Variants in SLC35F3 observed in about 807,000 individuals in gnomAD.
The protein encoded by SLC35F3 is solute carrier family 35 member F3.
SLC35F3 carries 25 observed loss-of-function variants against 49.9 expected under a neutral mutation model. That is an observed-to-expected ratio of 0.50 (90% CI 0.37 to 0.70). The LOEUF (loss-of-function observed/expected upper bound fraction) is 0.70, where lower values mean the gene tolerates loss of function less well. SLC35F3 is among the 30% of genes least tolerant of loss of function. SLC35F3 has a pLI of 0.00. For synonymous variants in SLC35F3, 275 were observed against 265.4 expected, an observed-to-expected ratio of 1.04 and a Z score of -0.35; for missense variants, 525 against 639.8, an observed-to-expected ratio of 0.82 and a Z score of 1.94.
intron 2 of SLC35F3, among the ~76,000 whole-genome samples, chr1:234,015,481 A>G (rs1663788483): frequency 6.6e-6 from 1 of 152,220 alleles, no homozygotes; most frequent in Non-Finnish European, 1.5e-5. Flanking sequence ...ATGGAACAGA[A>G]TAGAGAGCTC....
chr1:234,056,599 G>A (rs896437859), intron 2 of SLC35F3, among the ~76,000 whole-genome samples: 1 of 152,162 alleles, frequency 6.6e-6, no homozygotes, highest in Non-Finnish European at 1.5e-5. Flanking sequence ...GACATTTCAT[G>A]TAAGTAAAAG....
chr1:234,238,242 A>T (rs889581344), intron 3 of SLC35F3, among the ~76,000 whole-genome samples: 14 of 152,330 alleles, frequency 9.2e-5, no homozygotes, highest in African/African-American at 3.4e-4. Flanking sequence ...TTGCTAGCCT[A>T]AGGCAAAATA....
chr1:233,999,689 A>G (rs942427851), intron 2 of SLC35F3, among the ~76,000 whole-genome samples: 3 of 151,828 alleles, frequency 2.0e-5, no homozygotes, highest in Admixed American at 6.6e-5. Context: ...TGCCTCTGCC[A>G]TGCAAGTGGC....
At chr1:234,128,512 G>A (rs1473664303) in intron 2 of SLC35F3, among the ~76,000 whole-genome samples, 2 of 152,190 alleles carry the variant, frequency 1.3e-5, no homozygotes, top group East Asian at 1.9e-4. Context: ...GTGAGGAATG[G>A]CGGAGGTGGA....
At chr1:233,963,443 G>A (rs112084733) in intron 2 of SLC35F3, among the ~76,000 whole-genome samples, 5 of 152,182 alleles carry the variant, frequency 3.3e-5, no homozygotes, top group African/African-American at 9.6e-5. Flanking sequence ...TGGTACTACA[G>A]GAACCCGCCA....
intron 2 of SLC35F3, among the ~76,000 whole-genome samples, chr1:234,134,910 C>T (rs1468197747): frequency 6.6e-6 from 1 of 151,844 alleles, no homozygotes; most frequent in Non-Finnish European, 1.5e-5. Context: ...TTAGTAGAGA[C>T]GGGGTTTAGC....
chr1:233,985,597 A>G (rs188609879), intron 2 of SLC35F3, among the ~76,000 whole-genome samples: 50 of 152,334 alleles, frequency 3.3e-4, no homozygotes, highest in Non-Finnish European at 5.9e-5. Context: ...TTCTCCATCT[A>G]ATTCTAATTA....
At chr1:234,154,106 T>G (rs1666116705) in intron 2 of SLC35F3, among the ~76,000 whole-genome samples, 1 of 151,078 alleles carries the variant, frequency 6.6e-6, no homozygotes, top group Non-Finnish European at 1.5e-5. Flanking sequence ...TGGGGTGGTA[T>G]ATGCCTGTAG....
chr1:234,174,979 G>A (rs1186535975), intron 2 of SLC35F3, among the ~76,000 whole-genome samples: 1 of 152,228 alleles, frequency 6.6e-6, no homozygotes, highest in Admixed American at 6.5e-5. Flanking sequence ...GGAGGTGGAA[G>A]GCGTCTTGTC....
intron 2 of SLC35F3, among the ~76,000 whole-genome samples, chr1:234,176,619 C>G (rs1194680297): frequency 6.6e-6 from 1 of 152,124 alleles, no homozygotes; most frequent in African/African-American, 2.4e-5. Flanking sequence ...GAAAAGAACC[C>G]AGCCAAGGTG....
At chr1:234,251,687 G>A (rs572740681) in intron 3 of SLC35F3, among the ~76,000 whole-genome samples, 1 of 152,216 alleles carries the variant, frequency 6.6e-6, no homozygotes, top group Admixed American at 6.5e-5. Flanking sequence ...GAAAAGAAGA[G>A]CAATAGGGAG....
intron 2 of SLC35F3, among the ~76,000 whole-genome samples, chr1:234,005,517 G>A (rs1203285657): frequency 6.6e-6 from 1 of 152,208 alleles, no homozygotes; most frequent in East Asian, 1.9e-4. Flanking sequence ...GGCTGCTGCT[G>A]CTGCTGACGA....
intron 2 of SLC35F3, among the ~76,000 whole-genome samples, chr1:234,119,285 C>G (rs531330588): frequency 1.3e-5 from 2 of 149,776 alleles, no homozygotes. Flanking sequence ...TATAGGGCCT[C>G]TCAATTCATG....
chr1:234,085,033 A>G (rs1664940754), intron 2 of SLC35F3, among the ~76,000 whole-genome samples: 1 of 152,248 alleles, frequency 6.6e-6, no homozygotes, highest in African/African-American at 2.4e-5. Flanking sequence ...GAAGCCATAC[A>G]CAAAAGGCTG....
intron 2 of SLC35F3, among the ~76,000 whole-genome samples, chr1:234,109,966 G>T (rs1321329367): frequency 3.3e-5 from 5 of 152,212 alleles, no homozygotes; most frequent in Admixed American, 2.6e-4. Flanking sequence ...ACAGCAACTA[G>T]CTCTGGTTGG....
chr1:233,905,423 C>G lies in SLC35F3; in HGVS notation c.54-106C>G, dbSNP rs542359295. The G allele has an allele frequency of 3.5e-5, 31 of 898,460 alleles. No homozygotes were observed. The South Asian group carries it at 3.5e-4, about 10-fold the overall frequency. 55.7% of individuals were successfully genotyped at this position (898,460 alleles called of 1,614,324 possible). On this transcript the variant is annotated intron_variant, in intron 1 of 7. Coordinates refer to ENST00000366618, the MANE Select transcript of SLC35F3 (RefSeq NM_173508.4). ...CGCGGCGCTCGCCCCCGGAGGGCCCCGGCCGCGCTCTTGCTCTCGCCCTGG... is the reference window on the plus strand; with the variant it reads ...CGCGGCGCTCGCCCCCGGAGGGCCCGGGCCGCGCTCTTGCTCTCGCCCTGG...
At chr1:234,123,456 C>T (rs1665604678) in intron 2 of SLC35F3, among the ~76,000 whole-genome samples, 1 of 152,166 alleles carries the variant, frequency 6.6e-6, no homozygotes, top group African/African-American at 2.4e-5. Flanking sequence ...ATCGCTCAGG[C>T]TGGAGTACAG....
At chr1:233,906,069 C>T (rs1200526952) in intron 2 of SLC35F3, among the ~76,000 whole-genome samples, 3 of 152,218 alleles carry the variant, frequency 2.0e-5, no homozygotes, top group Non-Finnish European at 4.4e-5. Flanking sequence ...AGATCAGAAA[C>T]TCAAAGTATC....
intron 2 of SLC35F3, among the ~76,000 whole-genome samples, chr1:234,082,808 C>G (rs1049091796): frequency 7.9e-5 from 12 of 152,150 alleles, no homozygotes; most frequent in Non-Finnish European, 1.6e-4. Context: ...TATTCACCAC[C>G]AGGAGAACAG....
Sources: gnomAD v4.1 joint callset for allele counts (sites outside exome capture counted in the v4.1 genomes callset) on GRCh38, gnomAD v4.1.1 for gene constraint, MANE v1.5 for transcripts, NCBI Gene and HGNC (gene_info 2026-07-23, HGNC 2026-07-21) for gene names.